Variants in SEPTIN14 observed in about 807,000 individuals in gnomAD.
The protein encoded by SEPTIN14 is septin 14, also known as septin-14.
Under a neutral mutation model 53.6 loss-of-function variants are expected in SEPTIN14, and 40 were observed. That is an observed-to-expected ratio of 0.75 (90% CI 0.58 to 0.97). The LOEUF (loss-of-function observed/expected upper bound fraction) is 0.97. Ranked by LOEUF, SEPTIN14 falls within the 50% of genes least tolerant of loss-of-function variation. The probability of loss-of-function intolerance (pLI) is 0.00; values close to 1 mark genes in which losing one functional copy is unlikely to be tolerated. For missense variants in SEPTIN14, 471 were observed against 508.2 expected (o/e 0.93, Z 0.70); for synonymous variants, 138 against 166.8 (o/e 0.83, Z 1.33).
At chr7:55,842,167 G>A (rs1789323058) in intron 5 of SEPTIN14, among the ~76,000 whole-genome samples, 1 of 152,188 alleles carries the variant, frequency 6.6e-6, no homozygotes, top group African/African-American at 2.4e-5. Flanking sequence ...CTATAGCCTA[G>A]ATGTGTAGTA....
chr7:55,836,493 C>T (rs1324711821), intron 5 of SEPTIN14, among the ~76,000 whole-genome samples: 2 of 152,158 alleles, frequency 1.3e-5, no homozygotes, highest in African/African-American at 4.8e-5. Flanking sequence ...AATCCCAGCA[C>T]TTTGGGAGGC....
chr7:55,859,262 T>G (rs1789702074), intron 2 of SEPTIN14, among the ~76,000 whole-genome samples: 1 of 152,206 alleles, frequency 6.6e-6, no homozygotes, highest in African/African-American at 2.4e-5. Flanking sequence ...TTATCTATTT[T>G]GAGTTGGTTT....
intron 9 of SEPTIN14, chr7:55,798,660 G>C (rs1431107596): frequency 3.2e-6 from 1 of 315,322 alleles, no homozygotes; most frequent in Non-Finnish European, 6.3e-6. Context: ...GCGGCACCAG[G>C]CTCTGGCAGG....
rs114152034 is a variant in SEPTIN14 at position 55,822,089 on chromosome 7, T to C, written c.721-2866A>G. ...CACAGGAAAGACCAGCCCCCATAAT[T>C]CAATTACCTTCCCCTGGGTCCCTCC... On this transcript the variant is annotated intron_variant, in intron 6 of 9. Coordinates refer to ENST00000388975, the MANE Select transcript of SEPTIN14 (RefSeq NM_207366.3). Among the ~76,000 whole-genome samples, 766 of 152,200 alleles carry C rather than the reference T, an allele frequency of 5.0e-3. 7 individuals are homozygous for C. Among genetic ancestry groups the C allele is most frequent in the African/African-American group, 0.018 (753 of 41,530 alleles).
intron 9 of SEPTIN14, among the ~76,000 whole-genome samples, chr7:55,802,702 A>G (rs901870934): frequency 1.3e-5 from 2 of 152,098 alleles, no homozygotes; most frequent in Non-Finnish European, 2.9e-5. Flanking sequence ...ATTTTTTTGG[A>G]TACAAACTCC....
At chr7:55,859,127 G>C (rs1789699016) in intron 2 of SEPTIN14, among the ~76,000 whole-genome samples, 1 of 150,140 alleles carries the variant, frequency 6.7e-6, no homozygotes, top group Non-Finnish European at 1.5e-5. Context: ...CTCCAGCCTG[G>C]TTAACAAGAG....
chr7:55,804,536 G>A (rs142568900), intron 9 of SEPTIN14, among the ~76,000 whole-genome samples: 5,537 of 152,158 alleles, frequency 0.036, 139 homozygotes, highest in South Asian at 0.057. Context: ...TGGGATTATA[G>A]GTGTGAGCCA....
rs73701152 is a variant in SEPTIN14 at position 55,819,101 on chromosome 7, C to T, written c.817+26G>A. On this transcript the variant is annotated intron_variant, in intron 7 of 9. Coordinates refer to ENST00000388975, the MANE Select transcript of SEPTIN14 (RefSeq NM_207366.3). ...ACACATATATTTAACTTAATCATTC[C>T]AAAGCCTGCCCTCTGTCATTTTTAC... is the stretch of plus-strand genomic sequence containing the variant. 6.0e-6 allele frequency: 8 copies of T among 1,334,136 alleles called. 1 individual carries two copies. Among genetic ancestry groups the T allele is most frequent in the Non-Finnish European group, 5.3e-6 (5 of 946,134 alleles). The allele number at this position is 1,334,136 out of a possible 1,614,324, so 82.6% of individuals were successfully genotyped here. A position where few individuals can be genotyped will look rare whatever the true frequency, so the allele number is the denominator to read the frequency against.
At chr7:55,818,303 C>T (rs888324734) in intron 7 of SEPTIN14, among the ~76,000 whole-genome samples, 9 of 151,884 alleles carry the variant, frequency 5.9e-5, no homozygotes, top group Admixed American at 2.0e-4. Context: ...GAAACCCCAT[C>T]TCTACTAAAA....
chr7:55,828,513 C>A (rs1230817134), intron 6 of SEPTIN14, among the ~76,000 whole-genome samples: 1 of 152,014 alleles, frequency 6.6e-6, no homozygotes, highest in Non-Finnish European at 1.5e-5. Context: ...ACCGTGTTAG[C>A]CAGGATGGTC....
chr7:55,846,657 T>C lies in SEPTIN14; in HGVS notation c.55-20A>G, dbSNP rs1789422267. 2 of 1,289,418 alleles carry C rather than the reference T, an allele frequency of 1.6e-6. No individual in the cohort carries two copies. The highest frequency in any genetic ancestry group is 2.2e-6 in the Non-Finnish European group (2 of 905,844). 79.9% of individuals were successfully genotyped at this position (1,289,418 alleles called of 1,614,324 possible). ...TTTTTGCTTAAATAAAACAAAAATT[T>C]AGAGTTTTGTGTTAGAATAAAAAAT... On this transcript the variant is annotated intron_variant, in intron 2 of 9. Coordinates refer to ENST00000388975, the MANE Select transcript of SEPTIN14 (RefSeq NM_207366.3).
chr7:55,819,168 C>A lies in SEPTIN14; in HGVS notation c.776G>T (p.Arg259Met). ...GSTDEVKVGK[R>M]MVRGRHYPWG... ...AGGGTAGTGACGGCCTCTGACCATC[C>A]TTTTTCCAACTTTCACTTCATCTGT... Residue 259 changes from arginine to methionine, a missense_variant, in exon 7 of 10, where the codon AGG (arginine) becomes ATG (methionine). Physicochemically the swap from Arg to Met is moderately conservative, Grantham distance 91. Transcript: ENST00000388975. The A allele has an allele frequency of 6.3e-7, 1 of 1,585,364 alleles. No individual in the cohort carries two copies. Among genetic ancestry groups the A allele is most frequent in the East Asian group, 2.3e-5 (1 of 44,050 alleles).
At chr7:55,822,268 T>G (rs1256712007) in intron 6 of SEPTIN14, among the ~76,000 whole-genome samples, 1 of 152,120 alleles carries the variant, frequency 6.6e-6, no homozygotes, top group Non-Finnish European at 1.5e-5. Context: ...TCTAAATAAA[T>G]GGAGAGACAT....
At chr7:55,835,950 C>T (rs796945754) in intron 5 of SEPTIN14, among the ~76,000 whole-genome samples, 4 of 152,148 alleles carry the variant, frequency 2.6e-5, no homozygotes, top group African/African-American at 9.6e-5. Context: ...ACCATGTTGG[C>T]CAGGCTAGTC....
chr7:55,819,071 G>T, intron 7 of SEPTIN14, 56 bp downstream of exon 7: 1 of 945,196 alleles, frequency 1.1e-6, no homozygotes, highest in Non-Finnish European at 1.7e-6. Context: ...GAGACTATGA[G>T]TGATACACAT....
At chr7:55,812,084 C>T (rs930259706) in intron 7 of SEPTIN14, among the ~76,000 whole-genome samples, 1 of 152,168 alleles carries the variant, frequency 6.6e-6, no homozygotes, top group Admixed American at 6.5e-5. Context: ...CATGAGCCAC[C>T]GTGTCTGGCC....
At chr7:55,838,086 A>G (rs548721918) in intron 5 of SEPTIN14, among the ~76,000 whole-genome samples, 4 of 152,024 alleles carry the variant, frequency 2.6e-5, no homozygotes, top group African/African-American at 9.6e-5. Flanking sequence ...CAATAAAACC[A>G]AACTACAAAA....
chr7:55,803,813 AC>A (rs1259601170), intron 9 of SEPTIN14, among the ~76,000 whole-genome samples: 3 of 151,970 alleles, frequency 2.0e-5, no homozygotes, highest in Non-Finnish European at 4.4e-5. Context: ...GTTTCTGGTC[AC>A]TTCCTAGTTT....
At chr7:55,855,981 T>C (rs1345387839) in intron 2 of SEPTIN14, among the ~76,000 whole-genome samples, 1 of 152,200 alleles carries the variant, frequency 6.6e-6, no homozygotes, top group African/African-American at 2.4e-5. Flanking sequence ...TTTGATTTAA[T>C]GTATGTATTT....
Sources: allele counts gnomAD v4.1 joint callset (sites outside exome capture counted in the v4.1 genomes callset), GRCh38; gene constraint gnomAD v4.1.1; transcripts MANE v1.5; gene names NCBI Gene and HGNC (gene_info 2026-07-23, HGNC 2026-07-21).